Variants in IFT52 observed in about 807,000 individuals in gnomAD.
The protein encoded by IFT52 is intraflagellar transport protein 52 homolog.
IFT52 carries 44 observed loss-of-function variants against 54.4 expected under a neutral mutation model. The ratio of observed to expected loss-of-function variants is 0.81; its 90% CI spans 0.63 to 1.04. The LOEUF (loss-of-function observed/expected upper bound fraction) is 1.04. Ranked by LOEUF, IFT52 falls within the 50% of genes least tolerant of loss-of-function variation. The pLI is 0.00. For missense variants in IFT52, 452 were observed against 523.6 expected (o/e 0.86, Z 1.33); for synonymous variants, 181 against 185.3 (o/e 0.98, Z 0.19).
intron 9 of IFT52, among the ~76,000 whole-genome samples, chr20:43,621,547 C>T (rs1984303898): frequency 6.6e-6 from 1 of 152,246 alleles, no homozygotes; most frequent in Admixed American, 6.5e-5. Context: ...ACTGCAACCT[C>T]TGTCTCCTGG....
rs192582497 is a variant in IFT52, at chr20:43,643,037, C to T, written c.1266+413C>T. ...CAAAAATTAGCCGGGCATCATGGTGCGTGCCTGTAATCCCAGCCACTCAGG... is the reference window on the plus strand; with the variant it reads ...CAAAAATTAGCCGGGCATCATGGTGTGTGCCTGTAATCCCAGCCACTCAGG... On this transcript the variant is annotated intron_variant, in intron 13 of 13. Transcript: ENST00000373030. Among the ~76,000 whole-genome samples, 1,077 of 151,936 alleles carry T rather than the reference C, an allele frequency of 7.1e-3. 15 individuals carry two copies. Among genetic ancestry groups the T allele is most frequent in the African/African-American group, 0.025 (1,018 of 41,448 alleles).
At chr20:43,607,751 C>T (rs969682506) in intron 6 of IFT52, among the ~76,000 whole-genome samples, 3 of 151,892 alleles carry the variant, frequency 2.0e-5, no homozygotes, top group South Asian at 2.1e-4. Context: ...GGGTGGCGGC[C>T]GGGCAGAGGC....
At chr20:43,637,086 C>G (rs1452044407) in intron 11 of IFT52, 59 bp from the exon 12 acceptor site, 14 of 1,180,306 alleles carry the variant, frequency 1.2e-5, no homozygotes, top group Non-Finnish European at 1.8e-5. Flanking sequence ...TCTTGAGAGA[C>G]TTTATTTCCT....
intron 3 of IFT52, among the ~76,000 whole-genome samples, chr20:43,603,070 T>C (rs904662294): frequency 6.6e-6 from 1 of 152,004 alleles, no homozygotes; most frequent in Non-Finnish European, 1.5e-5. Flanking sequence ...TCTGCTGGAG[T>C]GCTTGATGAA....
rs11482384 is a variant in IFT52 at position 43,619,910 on chromosome 20, C to CTTTT, written c.699+905_699+908dup. Among the ~76,000 whole-genome samples, 538 of 82,788 alleles carry CTTTT rather than the reference C, an allele frequency of 6.5e-3. 7 individuals carry two copies. The highest frequency in any genetic ancestry group is 0.014 in the Middle Eastern group (1 of 72). The allele number at this position is 82,788 out of a possible 152,430, so 54.3% of individuals were successfully genotyped here. ...CATTATGGGAGATCTAGATATTCTA[C>CTTTT]TTTTTTTTTTTTTTTTTTTTTTTTG... On this transcript the variant is annotated intron_variant, in intron 8 of 13. Coordinates refer to ENST00000373030, the MANE Select transcript of IFT52 (RefSeq NM_016004.5).
intron 3 of IFT52, among the ~76,000 whole-genome samples, chr20:43,602,730 G>A (rs1000087290): frequency 2.0e-5 from 3 of 152,044 alleles, no homozygotes; most frequent in Non-Finnish European, 2.9e-5. Context: ...AGCTGGTCTC[G>A]AACTCCTCAC....
intron 6 of IFT52, among the ~76,000 whole-genome samples, chr20:43,611,239 G>A (rs1340498464): frequency 6.6e-6 from 1 of 152,018 alleles, no homozygotes; most frequent in Non-Finnish European, 1.5e-5. Flanking sequence ...TCACTCTGCT[G>A]TAGCCACACT....
chr20:43,634,594 C>G (rs1403580152), intron 10 of IFT52, among the ~76,000 whole-genome samples: 1 of 150,810 alleles, frequency 6.6e-6, no homozygotes, highest in Non-Finnish European at 1.5e-5. Context: ...AATGCATATT[C>G]TATTTAGAGA....
chr20:43,641,721 C>A (rs1285521501), intron 12 of IFT52, among the ~76,000 whole-genome samples: 1 of 151,930 alleles, frequency 6.6e-6, no homozygotes, highest in Non-Finnish European at 1.5e-5. Context: ...GTCTCGAACT[C>A]CTGACCTCGT....
intron 3 of IFT52, among the ~76,000 whole-genome samples, chr20:43,600,018 T>C (rs1313656035): frequency 4.6e-5 from 7 of 152,210 alleles, no homozygotes; most frequent in Non-Finnish European, 7.3e-5. Flanking sequence ...TAAAGGATGA[T>C]TTATAAAAGA....
chr20:43,611,923 G>T (rs911472337), intron 6 of IFT52, among the ~76,000 whole-genome samples: 2 of 151,924 alleles, frequency 1.3e-5, no homozygotes, highest in East Asian at 3.9e-4. Context: ...CCAGCTGCTC[G>T]GGAGGCTGAG....
intron 6 of IFT52, among the ~76,000 whole-genome samples, chr20:43,605,802 G>A (rs1276579764): frequency 2.6e-5 from 4 of 152,204 alleles, no homozygotes; most frequent in Non-Finnish European, 4.4e-5. Flanking sequence ...TGGAAAGTTA[G>A]AGATGAGATA....
At chr20:43,610,291 CAAA>C (rs11324612) in intron 6 of IFT52, among the ~76,000 whole-genome samples, 18 of 89,998 alleles carry the variant, frequency 2.0e-4, no homozygotes, top group Admixed American at 2.4e-4. Flanking sequence ...GACACCAACG[CAAA>C]AAAAAAAAAA....
At chr20:43,626,947 T>A (rs74171240) in intron 10 of IFT52, among the ~76,000 whole-genome samples, 1 of 151,998 alleles carries the variant, frequency 6.6e-6, no homozygotes, top group Admixed American at 6.6e-5. Flanking sequence ...GGTGGATCAC[T>A]TGAGGCCAGG....
chr20:43,607,596 A>C (rs62225585), intron 6 of IFT52, among the ~76,000 whole-genome samples: 3,804 of 139,298 alleles, frequency 0.027, 64 homozygotes, highest in Non-Finnish European at 0.037. Context: ...GATGCTCCGC[A>C]CTTCCTAAAT....
chr20:43,591,222 C>G (rs1467994652), intron 1 of IFT52, among the ~76,000 whole-genome samples, 168 bp downstream of exon 1: 1 of 152,214 alleles, frequency 6.6e-6, no homozygotes, highest in East Asian at 1.9e-4. Context: ...CCTGGCGCCC[C>G]GGCTGGGCGC....
At chr20:43,619,910 C>CTTTTTTTTT (rs11482384) in intron 8 of IFT52, among the ~76,000 whole-genome samples, 17 of 82,798 alleles carry the variant, frequency 2.1e-4, no homozygotes, top group Non-Finnish European at 2.5e-4. Flanking sequence ...AGATATTCTA[C>CTTTTTTTTT]TTTTTTTTTT....
chr20:43,646,705 C>CT (rs1303913771), intron 13 of IFT52, among the ~76,000 whole-genome samples: 5 of 152,102 alleles, frequency 3.3e-5, no homozygotes, highest in African/African-American at 1.2e-4. Flanking sequence ...GCTTTCAACT[C>CT]TGTTTGTTAC....
chr20:43,605,447 T>C (rs1233011862), intron 6 of IFT52, among the ~76,000 whole-genome samples: 1 of 152,206 alleles, frequency 6.6e-6, no homozygotes, highest in Non-Finnish European at 1.5e-5. Context: ...CTCGGGAGGC[T>C]GAGACAGGAG....
Sources: allele counts gnomAD v4.1 joint callset (sites outside exome capture counted in the v4.1 genomes callset), GRCh38; gene constraint gnomAD v4.1.1; transcripts MANE v1.5; gene names NCBI Gene and HGNC (gene_info 2026-07-23, HGNC 2026-07-21).